The following SLC41A2 variants were observed in gnomAD, a reference collection of about 807,000 sequenced individuals.
SLC41A2 encodes solute carrier family 41 member 2, also known as SLC41A1-like 1.
Under a neutral mutation model 58.3 loss-of-function variants are expected in SLC41A2, and 32 were observed. The observed-to-expected ratio is 0.55, with a 90% CI of 0.41 to 0.74. The LOEUF is 0.74. SLC41A2 is among the 30% of genes least tolerant of loss of function. The pLI is 0.00. For synonymous variants in SLC41A2, 190 were observed against 235.0 expected, an observed-to-expected ratio of 0.81 and a Z score of 1.75; for missense variants, 514 against 680.6, an observed-to-expected ratio of 0.76 and a Z score of 2.72.
intron 1 of SLC41A2, among the ~76,000 whole-genome samples, chr12:104,947,477 G>A (rs1320703570): frequency 2.6e-5 from 4 of 151,900 alleles, no homozygotes; most frequent in African/African-American, 9.6e-5. Context: ...TGGGATTCCA[G>A]GCGTGAGCCA....
intron 1 of SLC41A2, among the ~76,000 whole-genome samples, chr12:104,953,731 C>T (rs749423494): frequency 4.2e-4 from 64 of 152,310 alleles, no homozygotes; most frequent in Admixed American, 7.2e-4. Context: ...ATGAAAATTA[C>T]ACTATTATTT....
chr12:104,818,287 C>T (rs1011320259), intron 10 of SLC41A2, among the ~76,000 whole-genome samples: 32 of 152,110 alleles, frequency 2.1e-4, no homozygotes, highest in African/African-American at 6.7e-4. Context: ...ATATAAGTAT[C>T]ATATTTTTAA....
At chr12:104,839,112 T>C (rs559357222) in intron 10 of SLC41A2, among the ~76,000 whole-genome samples, 1 of 152,302 alleles carries the variant, frequency 6.6e-6, no homozygotes, top group South Asian at 2.1e-4. Flanking sequence ...ATAATCTAAT[T>C]TTCTGTAAGA....
chr12:104,899,139 G>A (rs2045440429), intron 3 of SLC41A2, among the ~76,000 whole-genome samples: 1 of 151,910 alleles, frequency 6.6e-6, no homozygotes, highest in South Asian at 2.1e-4. Flanking sequence ...ATAGTTACTA[G>A]TTCTCTTTTA....
intron 8 of SLC41A2, among the ~76,000 whole-genome samples, chr12:104,851,367 CTATT>C (rs1015014821): frequency 5.6e-4 from 85 of 151,906 alleles, no homozygotes; most frequent in African/African-American, 1.6e-3. Context: ...GGTGCCCATT[CTATT>C]TATTTATTTA....
chr12:104,839,616 G>A (rs1252692308), intron 10 of SLC41A2, among the ~76,000 whole-genome samples: 2 of 151,626 alleles, frequency 1.3e-5, no homozygotes, highest in Non-Finnish European at 2.9e-5. Flanking sequence ...AGATTCTCCT[G>A]CCTCAGCCTC....
chr12:104,847,514 C>T (rs1235096436), intron 8 of SLC41A2, among the ~76,000 whole-genome samples: 7 of 147,880 alleles, frequency 4.7e-5, no homozygotes, highest in Admixed American at 2.1e-4. Context: ...CTGAGGCAGG[C>T]GAATCACTTG....
intron 10 of SLC41A2, among the ~76,000 whole-genome samples, chr12:104,833,694 C>G (rs1275429690): frequency 6.6e-6 from 1 of 151,964 alleles, no homozygotes; most frequent in Non-Finnish European, 1.5e-5. Flanking sequence ...AAATGTTTAG[C>G]TTTCAAATTA....
chr12:104,824,138 G>A (rs2041750913), intron 10 of SLC41A2, among the ~76,000 whole-genome samples: 2 of 152,110 alleles, frequency 1.3e-5, no homozygotes, highest in Admixed American at 1.3e-4. Flanking sequence ...TCCACCCCCG[G>A]GCCTGTGCCC....
intron 6 of SLC41A2, among the ~76,000 whole-genome samples, chr12:104,879,409 C>A (rs1048809891): frequency 2.6e-5 from 4 of 152,142 alleles, no homozygotes; most frequent in African/African-American, 9.7e-5. Context: ...AATGGTATTG[C>A]CTAGGTTTTC....
At chr12:104,824,749 G>T (rs1011991484) in intron 10 of SLC41A2, among the ~76,000 whole-genome samples, 1 of 152,174 alleles carries the variant, frequency 6.6e-6, no homozygotes, top group African/African-American at 2.4e-5. Flanking sequence ...CCCACAGCCT[G>T]CCTGTCTGTA....
intron 10 of SLC41A2, among the ~76,000 whole-genome samples, chr12:104,808,505 T>C (rs1030238383): frequency 1.3e-5 from 2 of 151,978 alleles, no homozygotes; most frequent in Non-Finnish European, 2.9e-5. Context: ...CGATGTTCAT[T>C]AGGGATATTG....
At chr12:104,906,680 T>C (rs1217835732) in intron 3 of SLC41A2, among the ~76,000 whole-genome samples, 2 of 152,218 alleles carry the variant, frequency 1.3e-5, no homozygotes, top group African/African-American at 4.8e-5. Flanking sequence ...TAGGTCTCCA[T>C]TTGTATTGCT....
At chr12:104,839,573 G>C (rs1056106266) in intron 10 of SLC41A2, among the ~76,000 whole-genome samples, 2 of 148,762 alleles carry the variant, frequency 1.3e-5, no homozygotes, top group Non-Finnish European at 3.0e-5. Context: ...GTGTGATCTT[G>C]GCTCACTGCA....
chr12:104,900,010 C>A (rs1169487180), intron 3 of SLC41A2, among the ~76,000 whole-genome samples: 1 of 152,116 alleles, frequency 6.6e-6, no homozygotes, highest in Non-Finnish European at 1.5e-5. Flanking sequence ...TTTTGGATCT[C>A]CCCTTTTCTG....
intron 10 of SLC41A2, among the ~76,000 whole-genome samples, chr12:104,840,845 C>T (rs954240708): frequency 1.3e-5 from 2 of 152,006 alleles, no homozygotes; most frequent in South Asian, 4.2e-4. Flanking sequence ...AAATAAGAAA[C>T]TAACTCAGCC....
chr12:104,922,140 C>G (rs972977294), intron 2 of SLC41A2, among the ~76,000 whole-genome samples: 1 of 151,882 alleles, frequency 6.6e-6, no homozygotes, highest in African/African-American at 2.4e-5. Context: ...AGAAAATAAG[C>G]AACAAAATGT....
At chr12:104,909,507 C>T (rs2045987069) in intron 3 of SLC41A2, 148 bp downstream of exon 3, 1 of 566,252 alleles carries the variant, frequency 1.8e-6, no homozygotes, top group South Asian at 2.3e-5. Flanking sequence ...GACAATATTT[C>T]AGAATATGAT....
At chr12:104,829,196 G>A (rs967791645) in intron 10 of SLC41A2, among the ~76,000 whole-genome samples, 1 of 152,170 alleles carries the variant, frequency 6.6e-6, no homozygotes, top group African/African-American at 2.4e-5. Context: ...ATGTGTACAT[G>A]CATATTCATA....
Sources: gnomAD v4.1 joint callset for allele counts (sites outside exome capture counted in the v4.1 genomes callset) on GRCh38, gnomAD v4.1.1 for gene constraint, MANE v1.5 for transcripts, NCBI Gene and HGNC (gene_info 2026-07-23, HGNC 2026-07-21) for gene names.